The following SPAG16 variants were observed in gnomAD, a reference collection of about 807,000 sequenced individuals.
The protein encoded by SPAG16 is sperm associated antigen 16, also known as sperm-associated antigen 16 protein.
In SPAG16, 86 loss-of-function variants were observed where a neutral mutation model predicts 80.4. The observed-to-expected ratio is 1.07, with a 90% CI of 0.90 to 1.28. SPAG16 has a LOEUF of 1.28. Among genes scored for constraint, SPAG16 ranks in the 50% most tolerant of loss-of-function variants. SPAG16 has a pLI of 0.00. For synonymous variants in SPAG16, 294 were observed against 265.9 expected, an observed-to-expected ratio of 1.11 and a Z score of -1.03; for missense variants, 870 against 765.3, an observed-to-expected ratio of 1.14 and a Z score of -1.61.
chr2:213,677,586 C>T (rs990116021), intron 10 of SPAG16, among the ~76,000 whole-genome samples: 1 of 152,052 alleles, frequency 6.6e-6, no homozygotes, highest in Admixed American at 6.6e-5. Context: ...AATATATATG[C>T]ACCCAATACA....
intron 8 of SPAG16, among the ~76,000 whole-genome samples, chr2:213,369,076 A>C (rs994176754): frequency 1.3e-5 from 2 of 152,226 alleles, no homozygotes; most frequent in Non-Finnish European, 2.9e-5. Context: ...TGGTATTTTT[A>C]AAGTGTGGAA....
intron 10 of SPAG16, among the ~76,000 whole-genome samples, chr2:213,583,415 C>G (rs973715262): frequency 6.6e-6 from 1 of 152,160 alleles, no homozygotes; most frequent in Non-Finnish European, 1.5e-5. Flanking sequence ...GAGAAAACAT[C>G]AGTTGTGGTA....
chr2:214,104,448 C>A (rs1193292798), intron 13 of SPAG16, among the ~76,000 whole-genome samples: 1 of 151,902 alleles, frequency 6.6e-6, no homozygotes, highest in African/African-American at 2.4e-5. Context: ...GAGGCTCCTG[C>A]CATAGTCAGG....
At chr2:214,060,124 T>C (rs1337673211) in intron 13 of SPAG16, among the ~76,000 whole-genome samples, 1 of 152,166 alleles carries the variant, frequency 6.6e-6, no homozygotes, top group Admixed American at 6.5e-5. Context: ...GTGTGCCCTC[T>C]CATCAGGGAG....
chr2:213,522,839 A>G (rs1239060719), intron 10 of SPAG16, among the ~76,000 whole-genome samples: 1 of 148,912 alleles, frequency 6.7e-6, no homozygotes, highest in Non-Finnish European at 1.5e-5. Flanking sequence ...TATATAACAA[A>G]CATATATATA....
At chr2:213,823,464 G>T (rs201168459) in intron 10 of SPAG16, among the ~76,000 whole-genome samples, 1 of 152,098 alleles carries the variant, frequency 6.6e-6, no homozygotes, top group African/African-American at 2.4e-5. Context: ...AAGTTCAAGC[G>T]ATTCTCCTGC....
intron 10 of SPAG16, among the ~76,000 whole-genome samples, chr2:213,797,364 T>C (rs2071109253): frequency 6.6e-6 from 1 of 152,212 alleles, no homozygotes; most frequent in Non-Finnish European, 1.5e-5. Context: ...CCAGGGCAAC[T>C]TACAATCCTG....
At chr2:213,540,970 T>G (rs1017769386) in intron 10 of SPAG16, among the ~76,000 whole-genome samples, 9 of 152,248 alleles carry the variant, frequency 5.9e-5, no homozygotes. Context: ...CATGTGTGTG[T>G]GCGTGTGCAC....
At chr2:214,242,392 T>C (rs10170297) in intron 15 of SPAG16, among the ~76,000 whole-genome samples, 74 of 152,264 alleles carry the variant, frequency 4.9e-4, no homozygotes, top group African/African-American at 1.7e-3. Flanking sequence ...AAAAAGACTA[T>C]GGTAATCCTA....
At chr2:213,343,916 A>T (rs1350384094) in intron 6 of SPAG16, among the ~76,000 whole-genome samples, 1 of 152,114 alleles carries the variant, frequency 6.6e-6, no homozygotes, top group Admixed American at 6.6e-5. Context: ...TTGAAATCCA[A>T]GAAGAGGCTG....
At chr2:214,335,549 G>T (rs573850206) in intron 15 of SPAG16, among the ~76,000 whole-genome samples, 1 of 151,210 alleles carries the variant, frequency 6.6e-6, no homozygotes, top group Admixed American at 6.6e-5. Flanking sequence ...TTTTAGTGAC[G>T]ATGCTGATGT....
intron 11 of SPAG16, among the ~76,000 whole-genome samples, chr2:213,907,104 C>T (rs1393220180): frequency 1.3e-5 from 2 of 152,086 alleles, no homozygotes; most frequent in African/African-American, 4.8e-5. Flanking sequence ...TATTTTCAAA[C>T]TATTCATTCA....
chr2:214,254,460 G>A (rs7599622), intron 15 of SPAG16, among the ~76,000 whole-genome samples: 143,404 of 152,152 alleles, frequency 0.94, 67,989 homozygotes, highest in Non-Finnish European at 1. Context: ...GATACGTTCC[G>A]TTAATACCTA....
chr2:214,043,005 C>G lies in SPAG16; in HGVS notation c.1527+28928C>G, dbSNP rs527262667. On this transcript the variant is annotated intron_variant, in intron 13 of 15. Transcript: ENST00000331683. ...AATCAGACTTATAAGAATCTGAGAT[C>G]TTACCTAATATTCAAGCTTTACTAA... Among the ~76,000 whole-genome samples, 7 of 152,114 alleles carry G rather than the reference C, an allele frequency of 4.6e-5. No individual in the cohort carries two copies. The East Asian group carries it at 1.4e-3, about 29-fold the overall frequency.
chr2:214,386,899 A>G (rs1461872893), intron 15 of SPAG16, among the ~76,000 whole-genome samples: 2 of 145,012 alleles, frequency 1.4e-5, no homozygotes, highest in African/African-American at 5.7e-5. Flanking sequence ...ACTATGAAAT[A>G]GGGAGAACTA....
intron 15 of SPAG16, among the ~76,000 whole-genome samples, chr2:214,151,138 G>A (rs2055955252): frequency 6.6e-6 from 1 of 152,046 alleles, no homozygotes; most frequent in African/African-American, 2.4e-5. Context: ...AGTTCCATGT[G>A]TGTGAGAAAT....
chr2:213,398,537 A>G (rs1200427238), intron 9 of SPAG16, among the ~76,000 whole-genome samples: 1 of 152,120 alleles, frequency 6.6e-6, no homozygotes, highest in African/African-American at 2.4e-5. Flanking sequence ...CTTGCACTTG[A>G]GTTTTTATCT....
intron 5 of SPAG16, chr2:213,317,739 G>A (rs2063460249): frequency 2.0e-6 from 2 of 985,940 alleles, no homozygotes; most frequent in South Asian, 4.7e-5. Flanking sequence ...CCTGGTAGAG[G>A]AATTTCTGTA....
At chr2:213,480,501 T>C (rs2073690257) in intron 9 of SPAG16, among the ~76,000 whole-genome samples, 1 of 152,344 alleles carries the variant, frequency 6.6e-6, no homozygotes, top group East Asian at 1.9e-4. Context: ...TTACTCAGAG[T>C]AATACCATAC....
Sources: allele counts gnomAD v4.1 joint callset (sites outside exome capture counted in the v4.1 genomes callset), GRCh38; gene constraint gnomAD v4.1.1; transcripts MANE v1.5; gene names NCBI Gene and HGNC (gene_info 2026-07-23, HGNC 2026-07-21).